PDE11A: variants seen among roughly 807,000 people sequenced by gnomAD.
PDE11A encodes the protein dual 3',5'-cyclic-AMP and -GMP phosphodiesterase 11A.
PDE11A carries 100 observed loss-of-function variants against 100.5 expected under a neutral mutation model. That is an observed-to-expected ratio of 1.00 (90% CI 0.85 to 1.18). PDE11A has a LOEUF of 1.18. Among genes scored for constraint, PDE11A ranks in the 50% most tolerant of loss-of-function variants. PDE11A has a pLI of 0.00. For missense variants in PDE11A, 1,141 were observed against 1,152.6 expected (o/e 0.99, Z 0.15); for synonymous variants, 381 against 420.8 (o/e 0.91, Z 1.16).
intron 12 of PDE11A, 76 bp downstream of exon 12, chr2:177,727,582 A>T: frequency 1.1e-6 from 1 of 887,730 alleles, no homozygotes; most frequent in African/African-American, 1.6e-5. Flanking sequence ...TTTCAGAGAA[A>T]TGGAAATGTA....
intron 2 of PDE11A, among the ~76,000 whole-genome samples, chr2:178,091,918 C>T (rs2087428592): frequency 6.6e-6 from 1 of 152,152 alleles, no homozygotes; most frequent in Non-Finnish European, 1.5e-5. Context: ...AGAAAGATTA[C>T]ATGTTATATG....
At chr2:177,927,781 A>G (rs574553730) in intron 2 of PDE11A, among the ~76,000 whole-genome samples, 1 of 152,222 alleles carries the variant, frequency 6.6e-6, no homozygotes, top group African/African-American at 2.4e-5. Flanking sequence ...CAATAATGCC[A>G]AGTTCATCAT....
chr2:178,087,353 C>CA lies in PDE11A; in HGVS notation c.162+16948dup, dbSNP rs1198466173. 2.6e-3 allele frequency among the ~76,000 whole-genome samples: 211 copies of CA among 82,688 alleles called. 1 individual carries two copies. The highest frequency in any genetic ancestry group is 3.9e-3 in the African/African-American group (84 of 21,440). The allele number at this position is 82,688 out of a possible 152,430, so 54.2% of individuals were successfully genotyped here. On this transcript the variant is annotated intron_variant, in intron 2 of 20. Transcript: ENST00000358450. ...GGATGACTAGAGCAAGACTCCAACT[C>CA]AAAAAAAAAAAAAAGAAAATGTCGT... is the stretch of plus-strand genomic sequence containing the variant.
chr2:177,671,669 A>G (rs575204820), intron 17 of PDE11A, among the ~76,000 whole-genome samples: 1 of 152,164 alleles, frequency 6.6e-6, no homozygotes, highest in Admixed American at 6.5e-5. Flanking sequence ...CGATGGAAAC[A>G]TTAGGAAAAA....
intron 16 of PDE11A, chr2:177,676,136 C>A: frequency 5.9e-6 from 1 of 169,392 alleles, no homozygotes; most frequent in Non-Finnish European, 1.3e-5. Flanking sequence ...TTAATTTGGG[C>A]ACATAAGAAA....
intron 2 of PDE11A, among the ~76,000 whole-genome samples, chr2:177,982,441 C>T (rs1439636791): frequency 1.3e-5 from 2 of 150,580 alleles, no homozygotes; most frequent in African/African-American, 4.8e-5. Flanking sequence ...AAAAAGACTT[C>T]AAATTAGTTA....
chr2:178,072,044 G>C lies in PDE11A; in HGVS notation c.394C>G (p.His132Asp). 50 of 1,613,784 alleles carry C rather than the reference G, an allele frequency of 3.1e-5. No homozygotes were observed. Among genetic ancestry groups the C allele is most frequent in the Non-Finnish European group, 4.2e-5 (50 of 1,179,672 alleles). ...RKSFARSKAI[H>D]VNRTYDEQVT... ...TGTTCATCGTAGGTCCTGTTCACGTGGATGGCCTTGGAGCGGGCAAAACTC... is the reference window on the plus strand; with the variant it reads ...TGTTCATCGTAGGTCCTGTTCACGTCGATGGCCTTGGAGCGGGCAAAACTC... Residue 132 changes from histidine to aspartate, a missense_variant, in exon 1 of 20, where the codon CAC (histidine) becomes GAC (aspartate). Coordinates refer to ENST00000286063, the MANE Select transcript of PDE11A (RefSeq NM_016953.4).
chr2:178,073,265 A>G (rs1281432664), upstream of PDE11A, among the ~76,000 whole-genome samples: 1 of 152,194 alleles, frequency 6.6e-6, no homozygotes, highest in Non-Finnish European at 1.5e-5. Flanking sequence ...CTTGCTCACT[A>G]ACACTGCCCA....
intron 4 of PDE11A, among the ~76,000 whole-genome samples, chr2:177,888,049 C>G (rs1488426807): frequency 6.6e-6 from 1 of 152,132 alleles, no homozygotes; most frequent in East Asian, 1.9e-4. Context: ...GCCACTTGCC[C>G]TTGAATATTC....
intron 5 of PDE11A, among the ~76,000 whole-genome samples, chr2:177,853,952 A>G (rs1218188278): frequency 6.7e-6 from 1 of 148,752 alleles, no homozygotes; most frequent in South Asian, 2.1e-4. Context: ...ATATATCTAT[A>G]TATATGTGTA....
At chr2:177,916,652 T>A (rs1400457230) in intron 2 of PDE11A, among the ~76,000 whole-genome samples, 1 of 152,216 alleles carries the variant, frequency 6.6e-6, no homozygotes. Flanking sequence ...CAAAGTGGGC[T>A]CTCTAGTGCT....
chr2:177,919,102 A>AT (rs199920848), intron 2 of PDE11A, among the ~76,000 whole-genome samples: 10,225 of 146,066 alleles, frequency 0.07, 459 homozygotes, highest in East Asian at 0.2. Flanking sequence ...AAGATTTAAC[A>AT]TTTTTTTTTT....
chr2:177,913,117 C>A (rs955828492), intron 2 of PDE11A, among the ~76,000 whole-genome samples: 3 of 151,982 alleles, frequency 2.0e-5, no homozygotes, highest in East Asian at 1.9e-4. Flanking sequence ...ATAAAATATA[C>A]CTCAAGAAAG....
chr2:177,662,794 T>C (rs2080502560), intron 19 of PDE11A, among the ~76,000 whole-genome samples: 1 of 151,408 alleles, frequency 6.6e-6, no homozygotes. Flanking sequence ...ATTTTTGTTA[T>C]AGTTATCAAA....
At chr2:177,721,717 T>G (rs1189079225) in intron 12 of PDE11A, among the ~76,000 whole-genome samples, 2 of 152,142 alleles carry the variant, frequency 1.3e-5, no homozygotes, top group Non-Finnish European at 2.9e-5. Flanking sequence ...CTGCATATAA[T>G]ATAACATATG....
chr2:177,660,075 CTT>C lies in PDE11A; in HGVS notation c.2646+3789_2646+3790del, dbSNP rs1378339666. On this transcript the variant is annotated intron_variant, in intron 19 of 19. Coordinates refer to ENST00000286063, the MANE Select transcript of PDE11A (RefSeq NM_016953.4). The stretch of plus-strand genomic sequence containing the variant: ...TCTTTCTTTCTTTCTTTCTTTCTTT[CTT>C]TCTTTCTTTCTTTCTTTCTTTCTCT... 1.8e-4 allele frequency among the ~76,000 whole-genome samples: 6 copies of C among 33,088 alleles called. No homozygotes were observed. The South Asian group carries it at 5.9e-3, about 32-fold the overall frequency. The allele number at this position is 33,088 out of a possible 152,430, so 21.7% of individuals were successfully genotyped here. A position where few individuals can be genotyped will look rare whatever the true frequency, so the allele number is the denominator to read the frequency against.
At chr2:178,041,349 T>C (rs555774118) in intron 1 of PDE11A, among the ~76,000 whole-genome samples, 60 of 151,884 alleles carry the variant, frequency 4.0e-4, no homozygotes, top group Admixed American at 1.1e-3. Flanking sequence ...GTTCAAGCAA[T>C]TCTTCTGCCT....
At chr2:177,907,094 C>T (rs1388425221) in intron 2 of PDE11A, among the ~76,000 whole-genome samples, 2 of 152,152 alleles carry the variant, frequency 1.3e-5, no homozygotes, top group Middle Eastern at 3.4e-3. Context: ...CATAGGCTTG[C>T]TTCACTTCAT....
At chr2:177,816,414 C>G (rs1405223329) in intron 9 of PDE11A, among the ~76,000 whole-genome samples, 2 of 151,984 alleles carry the variant, frequency 1.3e-5, no homozygotes, top group East Asian at 3.9e-4. Flanking sequence ...CGGATAATGA[C>G]AGGAGTAGCT....
Sources: allele counts gnomAD v4.1 joint callset (sites outside exome capture counted in the v4.1 genomes callset), GRCh38; gene constraint gnomAD v4.1.1; transcripts MANE v1.5; gene names NCBI Gene and HGNC (gene_info 2026-07-23, HGNC 2026-07-21).